WNT8B: variants seen among roughly 807,000 people sequenced by gnomAD.
WNT8B encodes Wnt family member 8B, also known as protein Wnt-8b.
WNT8B carries 24 observed loss-of-function variants against 36.6 expected under a neutral mutation model. The ratio of observed to expected loss-of-function variants is 0.66; its 90% CI spans 0.48 to 0.92. The LOEUF (loss-of-function observed/expected upper bound fraction) is 0.92. Among genes scored for constraint, WNT8B ranks in the 40% least tolerant of loss-of-function variants. The pLI is 0.00. For missense variants in WNT8B, 402 were observed against 470.8 expected (o/e 0.85, Z 1.35); for synonymous variants, 199 against 189.8 (o/e 1.05, Z -0.40).
At chr10:100,475,664 C>G (rs911037121) in intron 1 of WNT8B, among the ~76,000 whole-genome samples, 2 of 152,170 alleles carry the variant, frequency 1.3e-5, no homozygotes, top group African/African-American at 4.8e-5. Context: ...GTTTTGTTTT[C>G]TTTCCTGATA....
chr10:100,477,936 C>T (rs935290855), intron 1 of WNT8B, among the ~76,000 whole-genome samples: 63 of 147,358 alleles, frequency 4.3e-4, no homozygotes, highest in Non-Finnish European at 9.1e-4. Context: ...ACCACCATGC[C>T]TAGCTATTTT....
chr10:100,471,553 T>G (rs1424924885), intron 1 of WNT8B, among the ~76,000 whole-genome samples: 3 of 152,238 alleles, frequency 2.0e-5, no homozygotes, highest in Admixed American at 2.0e-4. Context: ...AAAACATGGC[T>G]TAGGCCGCTC....
At chr10:100,480,787 C>G (rs767507554) in intron 3 of WNT8B, among the ~76,000 whole-genome samples, 3 of 152,100 alleles carry the variant, frequency 2.0e-5, no homozygotes, top group Non-Finnish European at 4.4e-5. Context: ...GGTAGGAAGA[C>G]TGAGCCCAGA....
chr10:100,482,507 G>A lies in WNT8B; in HGVS notation c.747G>A (p.Leu249=), dbSNP rs554651320. The part of the protein sequence containing the change: ...RSISTRELVH[L]EDSPDYCLEN... ...TCTCTACCCGGGAGCTGGTGCACCTGGAGGACTCCCCGGACTACTGCCTGG... is the reference window on the plus strand; with the variant it reads ...TCTCTACCCGGGAGCTGGTGCACCTAGAGGACTCCCCGGACTACTGCCTGG... The change falls in exon 6 of 6, where the codon CTG becomes CTA. Residue 249 remains leucine, a synonymous_variant. Transcript: ENST00000343737. The surrounding 1 kb of genome is among the most constrained non-coding windows in gnomAD (Gnocchi z 6.6). 2 of 1,601,386 alleles carry A rather than the reference G, an allele frequency of 1.2e-6. No homozygotes were observed. The highest frequency in any genetic ancestry group is 1.3e-5 in the African/African-American group (1 of 75,054).
intron 1 of WNT8B, among the ~76,000 whole-genome samples, chr10:100,470,190 A>G (rs1013793491): frequency 1.3e-4 from 20 of 152,066 alleles, no homozygotes; most frequent in South Asian, 2.1e-4. Context: ...GGAGTGTACA[A>G]TCTTGGCTCA....
rs370677419 is a variant in WNT8B, at chr10:100,477,473, G to GT, written c.69-1578dup. 5.6e-3 allele frequency among the ~76,000 whole-genome samples: 855 copies of GT among 151,790 alleles called. 11 individuals are homozygous for GT. Among genetic ancestry groups the GT allele is most frequent in the African/African-American group, 0.018 (759 of 41,396 alleles). On this transcript the variant is annotated intron_variant, in intron 1 of 5. Coordinates refer to ENST00000343737, the MANE Select transcript of WNT8B (RefSeq NM_003393.4). Reference sequence around the variant, plus strand: ...CACCACCACGCCTGGCTAATTTTTTGTATTTTTAGTAGAGACAGGGTTTCA... The same window carrying GT: ...CACCACCACGCCTGGCTAATTTTTTGTTATTTTTAGTAGAGACAGGGTTTCA...
intron 1 of WNT8B, among the ~76,000 whole-genome samples, chr10:100,470,034 C>T (rs768748336): frequency 1.1e-4 from 17 of 152,226 alleles, no homozygotes; most frequent in Non-Finnish European, 2.1e-4. Context: ...CTATAGTTCA[C>T]ATTCATTCAC....
chr10:100,469,093 G>A (rs1027746135), intron 1 of WNT8B, among the ~76,000 whole-genome samples: 4 of 152,028 alleles, frequency 2.6e-5, no homozygotes, highest in Admixed American at 1.3e-4. Context: ...GAAAGAAATG[G>A]ACTTTAATTT....
At chr10:100,481,170 T>G in intron 4 of WNT8B, 47 bp downstream of exon 4, 1 of 1,603,194 alleles carries the variant, frequency 6.2e-7, no homozygotes, top group East Asian at 2.2e-5. Flanking sequence ...CCAACGCACA[T>G]AAAGAATGAA....
intron 1 of WNT8B, among the ~76,000 whole-genome samples, chr10:100,476,920 G>A (rs926260531): frequency 2.6e-5 from 4 of 152,128 alleles, no homozygotes; most frequent in Admixed American, 6.5e-5. Context: ...ATGCACTTGT[G>A]TGTACATGTA....
chr10:100,479,050 A>T lies in WNT8B; in HGVS notation c.69-2A>T. 6.3e-7 allele frequency: 1 copy of T among 1,594,190 alleles called. No individual in the cohort carries two copies. Among genetic ancestry groups the T allele is most frequent in the Non-Finnish European group, 8.5e-7 (1 of 1,175,222 alleles). ...TGTTTTTGTTTTTTTTTTCCCTTATAGGTCGGTGAACAATTTCCTGATGAC... is the reference window on the plus strand; with the variant it reads ...TGTTTTTGTTTTTTTTTTCCCTTATTGGTCGGTGAACAATTTCCTGATGAC... On this transcript the variant is annotated splice_acceptor_variant, in intron 1 of 5. Transcript: ENST00000343737. LOFTEE classifies it high-confidence loss of function.
At chr10:100,476,228 G>C (rs1851036850) in intron 1 of WNT8B, among the ~76,000 whole-genome samples, 1 of 152,076 alleles carries the variant, frequency 6.6e-6, no homozygotes, top group Non-Finnish European at 1.5e-5. Flanking sequence ...AGAATGGTGT[G>C]AACCTGGGAG....
At chr10:100,472,726 T>C (rs1275068525) in intron 1 of WNT8B, among the ~76,000 whole-genome samples, 1 of 152,226 alleles carries the variant, frequency 6.6e-6, no homozygotes, top group African/African-American at 2.4e-5. Context: ...ACCACAGTTA[T>C]TTATGTAAAT....
chr10:100,474,638 C>T (rs1564643964), intron 1 of WNT8B, among the ~76,000 whole-genome samples: 1 of 152,110 alleles, frequency 6.6e-6, no homozygotes. Flanking sequence ...GATCTTGGCT[C>T]ACTGTAAACT....
At chr10:100,478,696 C>G (rs1401861535) in intron 1 of WNT8B, among the ~76,000 whole-genome samples, 1 of 152,090 alleles carries the variant, frequency 6.6e-6, no homozygotes, top group Non-Finnish European at 1.5e-5. Context: ...ATTCTCATGC[C>G]TCAGCCTCCT....
In WNT8B at chr10:100,463,706, T is replaced by C. The variant is rs1850882221; in HGVS notation, c.68+470T>C. ...CTAAGTAATTGCTCAAATTATCATTTCCTAGACATAAAAAATTTTATTTGA... is the reference window on the plus strand; with the variant it reads ...CTAAGTAATTGCTCAAATTATCATTCCCTAGACATAAAAAATTTTATTTGA... On this transcript the variant is annotated intron_variant, in intron 1 of 5. Transcript: ENST00000343737. Among the ~76,000 whole-genome samples the C allele has an allele frequency of 2.0e-5, 3 of 152,180 alleles. 1 individual carries two copies. The South Asian group carries it at 6.2e-4, about 32-fold the overall frequency.
intron 1 of WNT8B, among the ~76,000 whole-genome samples, chr10:100,472,508 C>T (rs894119378): frequency 3.3e-5 from 5 of 152,092 alleles, no homozygotes; most frequent in African/African-American, 1.2e-4. Flanking sequence ...AGTACCCACC[C>T]CATGGAGTTG....
intron 1 of WNT8B, among the ~76,000 whole-genome samples, chr10:100,468,506 GTTCCTTA>G (rs1850936526): frequency 6.6e-6 from 1 of 152,234 alleles, no homozygotes; most frequent in Non-Finnish European, 1.5e-5. Context: ...GGCTTGAGCT[GTTCCTTA>G]GCAGCTCTCA....
At chr10:100,481,447 C>T (rs1015233653) in intron 4 of WNT8B, among the ~76,000 whole-genome samples, 11 of 152,192 alleles carry the variant, frequency 7.2e-5, no homozygotes, top group Admixed American at 7.2e-4. Flanking sequence ...CACTCTTTAC[C>T]TCCAGTGCTG....
Sources: gnomAD v4.1 joint callset for allele counts (sites outside exome capture counted in the v4.1 genomes callset) on GRCh38, gnomAD v4.1.1 for gene constraint, Gnocchi (gnomAD v3.1) non-coding constraint, MANE v1.5 for transcripts, NCBI Gene and HGNC (gene_info 2026-07-23, HGNC 2026-07-21) for gene names.